The following PACC1 variants were observed in gnomAD, a reference collection of about 807,000 sequenced individuals.
PACC1 encodes the protein proton-activated chloride channel.
In PACC1, 34 loss-of-function variants were observed where a neutral mutation model predicts 39.7. The observed-to-expected ratio is 0.86, with a 90% CI of 0.65 to 1.14. The LOEUF is 1.14. Among genes scored for constraint, PACC1 ranks in the 50% most tolerant of loss-of-function variants. The pLI, the probability that PACC1 is intolerant of heterozygous loss-of-function variation, is 0.00. For synonymous variants in PACC1, 127 were observed against 160.6 expected, an observed-to-expected ratio of 0.79 and a Z score of 1.58; for missense variants, 379 against 436.4, an observed-to-expected ratio of 0.87 and a Z score of 1.17.
At chr1:212,366,061 G>A (rs766020929) in intron 7 of PACC1, among the ~76,000 whole-genome samples, 19 of 152,078 alleles carry the variant, frequency 1.2e-4, no homozygotes, top group Non-Finnish European at 2.1e-4. Context: ...CTTTCCTCCT[G>A]TCTAGGTTTA....
At chr1:212,409,547 T>C (rs1410917625) in intron 2 of PACC1, among the ~76,000 whole-genome samples, 1 of 152,062 alleles carries the variant, frequency 6.6e-6, no homozygotes, top group Non-Finnish European at 1.5e-5. Flanking sequence ...GGAGAACTAC[T>C]CTGAAGTTCA....
In PACC1 at chr1:212,385,439, C is replaced by T. The variant is rs568705606; in HGVS notation, c.344-14G>A. The T allele has an allele frequency of 1.8e-5, 29 of 1,613,904 alleles. No homozygotes were observed. The South Asian group carries it at 2.7e-4, about 15-fold the overall frequency. On this transcript the variant is annotated splice_polypyrimidine_tract_variant and intron_variant, in intron 3 of 7. Coordinates refer to ENST00000261455, the MANE Select transcript of PACC1 (RefSeq NM_018252.3). ...ACAAGGCAATACCTGGGGGCACAAA[C>T]AGGAAAAGCAAGTGTCAGAAATCAC...
At chr1:212,414,684 C>T (rs377343028) in intron 1 of PACC1, 38 bp downstream of exon 1, 3 of 1,612,522 alleles carry the variant, frequency 1.9e-6, no homozygotes, top group Middle Eastern at 1.7e-4. Context: ...CCTGCTCCTC[C>T]GCCTCAAACT....
chr1:212,402,934 G>A (rs1571675815), intron 2 of PACC1, among the ~76,000 whole-genome samples: 1 of 152,150 alleles, frequency 6.6e-6, no homozygotes, highest in Non-Finnish European at 1.5e-5. Flanking sequence ...AATTACAGGC[G>A]TGATCAACCG....
intron 4 of PACC1, among the ~76,000 whole-genome samples, chr1:212,384,590 A>C (rs1661028714): frequency 6.6e-6 from 1 of 152,234 alleles, no homozygotes; most frequent in Non-Finnish European, 1.5e-5. Context: ...TCATCTGGAA[A>C]ACTATTGTAG....
At chr1:212,376,757 A>T (rs1310946996) in intron 6 of PACC1, 1 of 152,192 alleles carries the variant, frequency 6.6e-6, no homozygotes, top group Non-Finnish European at 1.5e-5. Context: ...TAGTCTGAGG[A>T]GCTAGGGCTC....
At chr1:212,405,630 G>A (rs1242826919) in intron 2 of PACC1, among the ~76,000 whole-genome samples, 1 of 152,176 alleles carries the variant, frequency 6.6e-6, no homozygotes, top group African/African-American at 2.4e-5. Context: ...CTGCTACAGG[G>A]AGGGGAGAAT....
Position 212,387,012 on chromosome 1 carries a change from G to C in PACC1, c.222C>G (p.Tyr74Ter). ...AGACGGCCACAGCCATGAGCAGCAG[G>C]TAGATGAAGATGAGTAGGACCGAGA... ...NVFSVLLIFI[Y>*]LLLMAVAVFL... is the part of the protein sequence containing the mutation. The change falls in exon 3 of 8, where the codon TAC (tyrosine) becomes TAG (stop). Residue 74 changes from tyrosine (Y) to a stop codon, truncating the protein, a stop_gained. Coordinates refer to ENST00000261455, the MANE Select transcript of PACC1 (RefSeq NM_018252.3). LOFTEE classifies it high-confidence loss of function. The C allele has an allele frequency of 5.0e-6, 8 of 1,614,260 alleles. No individual in the cohort carries two copies. Among genetic ancestry groups the C allele is most frequent in the Non-Finnish European group, 6.8e-6 (8 of 1,180,050 alleles).
intron 4 of PACC1, among the ~76,000 whole-genome samples, chr1:212,384,856 A>G (rs1661039072): frequency 6.6e-6 from 1 of 152,226 alleles, no homozygotes; most frequent in East Asian, 1.9e-4. Flanking sequence ...ATGGATTCTC[A>G]GGCCCCACCT....
intron 1 of PACC1, chr1:212,413,950 G>A (rs1349967280): frequency 9.8e-6 from 15 of 1,535,670 alleles, no homozygotes; most frequent in African/African-American, 1.4e-5. Context: ...GGGCACAGAA[G>A]AGGACGGTTG....
chr1:212,402,282 C>T (rs1404513005), intron 2 of PACC1, among the ~76,000 whole-genome samples: 1 of 152,206 alleles, frequency 6.6e-6, no homozygotes, highest in African/African-American at 2.4e-5. Context: ...TTCCTATCAG[C>T]AACGTATGGG....
In PACC1 at chr1:212,385,245, C is replaced by A. The variant is rs778834153; in HGVS notation, c.495+29G>T. 1.9e-6 allele frequency: 3 copies of A among 1,613,126 alleles called. No homozygotes were observed. In the Admixed American group the frequency reaches 5.0e-5, roughly 27 times the overall value. On this transcript the variant is annotated intron_variant, in intron 4 of 7. Transcript: ENST00000261455. The stretch of plus-strand genomic sequence containing the variant: ...TTGCGGGGCTAACAGAGCAGCTGCC[C>A]AGACCCAGCTCAGGCAGACAGGAAT...
intron 2 of PACC1, among the ~76,000 whole-genome samples, chr1:212,391,948 A>T (rs967121505): frequency 2.0e-5 from 3 of 152,244 alleles, no homozygotes; most frequent in Non-Finnish European, 4.4e-5. Context: ...CTATGTGAAA[A>T]GACCAAATCT....
At chr1:212,376,673 C>T (rs924432289) in intron 6 of PACC1, 2 of 152,198 alleles carry the variant, frequency 1.3e-5, no homozygotes, top group Admixed American at 6.5e-5. Context: ...TTGTCACTTC[C>T]CAAGGCAGGA....
intron 2 of PACC1, among the ~76,000 whole-genome samples, chr1:212,397,762 A>T (rs183937898): frequency 1.5e-3 from 233 of 152,372 alleles, no homozygotes; most frequent in South Asian, 5.8e-3. Flanking sequence ...TTATCAGCAA[A>T]GACTCTGTGG....
Position 212,392,591 on chromosome 1 carries a change from A to G in PACC1, c.134-5491T>C, listed in dbSNP as rs554250201. Among the ~76,000 whole-genome samples, 10 of 152,334 alleles carry G rather than the reference A, an allele frequency of 6.6e-5. No homozygotes were observed. The South Asian group carries it at 1.9e-3, about 28-fold the overall frequency. On this transcript the variant is annotated intron_variant, in intron 2 of 7. Transcript: ENST00000261455. ...GACAGGATCAAATTCACACATAACA[A>G]TATTAACCTTAAATGTAAATGGGCT...
intron 2 of PACC1, among the ~76,000 whole-genome samples, chr1:212,406,255 G>A (rs1334398813): frequency 1.3e-5 from 2 of 151,668 alleles, no homozygotes; most frequent in African/African-American, 2.4e-5. Context: ...GGTGGCTCAC[G>A]CCTGTAATCC....
chr1:212,401,603 G>A (rs1427218021), intron 2 of PACC1, among the ~76,000 whole-genome samples: 4 of 125,074 alleles, frequency 3.2e-5, no homozygotes, highest in African/African-American at 1.2e-4. Context: ...TCCAGCCTGG[G>A]CAACAGAGAC....
chr1:212,390,060 G>A (rs1005929718), intron 2 of PACC1, among the ~76,000 whole-genome samples: 1 of 151,976 alleles, frequency 6.6e-6, no homozygotes, highest in Admixed American at 6.6e-5. Flanking sequence ...AAACCAAATG[G>A]AGCCCGGAAA....
Sources: allele counts gnomAD v4.1 joint callset (sites outside exome capture counted in the v4.1 genomes callset), GRCh38; gene constraint gnomAD v4.1.1; transcripts MANE v1.5; gene names NCBI Gene and HGNC (gene_info 2026-07-23, HGNC 2026-07-21).